Variants in KHDRBS2 observed in about 807,000 individuals in gnomAD.
KHDRBS2 encodes KH RNA binding domain containing, signal transduction associated 2.
A neutral mutation model predicts 44.3 loss-of-function variants in KHDRBS2; 26 were observed. That is an observed-to-expected ratio of 0.59 (90% CI 0.43 to 0.81). The LOEUF is 0.81. Among genes scored for constraint, KHDRBS2 ranks in the 40% least tolerant of loss-of-function variants. The pLI is 0.00. For synonymous variants in KHDRBS2, 194 were observed against 151.1 expected (o/e 1.28, Z -2.08); for missense variants, 476 against 433.1 (o/e 1.10, Z -0.88).
rs1802567700 is a variant in KHDRBS2, at chr6:61,894,613, C to CT, written c.810+21dup. The CT allele has an allele frequency of 1.9e-6, 3 of 1,594,404 alleles. No individual in the cohort carries two copies. In the African/African-American group the frequency reaches 4.0e-5, roughly 21 times the overall value. On this transcript the variant is annotated intron_variant, in intron 6 of 8. Coordinates refer to ENST00000281156, the MANE Select transcript of KHDRBS2 (RefSeq NM_152688.4). Reference sequence around the variant, plus strand: ...TAATCAATTTAACTCATCCTTACAACTTATTTCTTAAGAGTACTTACATAT... The same window carrying CT: ...TAATCAATTTAACTCATCCTTACAACTTTATTTCTTAAGAGTACTTACATAT...
chr6:61,895,210 C>T (rs566847886), intron 5 of KHDRBS2, among the ~76,000 whole-genome samples: 2 of 151,618 alleles, frequency 1.3e-5, no homozygotes, highest in East Asian at 3.9e-4. Flanking sequence ...ATCAGAGCAT[C>T]GTCTGATATA....
At chr6:61,781,538 G>C (rs1304358981) in intron 6 of KHDRBS2, among the ~76,000 whole-genome samples, 1 of 152,038 alleles carries the variant, frequency 6.6e-6, no homozygotes, top group Non-Finnish European at 1.5e-5. Flanking sequence ...AAATCTGCAA[G>C]CTTTTGCTTT....
the KHDRBS2 span, among the ~76,000 whole-genome samples, chr6:61,658,882 A>C: frequency 6.6e-6 from 1 of 151,934 alleles, no homozygotes; most frequent in Admixed American, 6.6e-5. Flanking sequence ...ACTAGTAAAA[A>C]TTTCCACACT....
At chr6:61,879,769 G>C (rs1225657215) in intron 6 of KHDRBS2, among the ~76,000 whole-genome samples, 2 of 151,544 alleles carry the variant, frequency 1.3e-5, no homozygotes, top group African/African-American at 4.8e-5. Flanking sequence ...AATTATTTTT[G>C]TCAAAATCTT....
chr6:62,187,472 A>C (rs1823678551), intron 1 of KHDRBS2, among the ~76,000 whole-genome samples: 1 of 152,166 alleles, frequency 6.6e-6, no homozygotes. Flanking sequence ...GTAGAAAGTA[A>C]ATGAATAGGT....
intron 8 of KHDRBS2, among the ~76,000 whole-genome samples, chr6:61,696,207 A>G (rs1012511535): frequency 6.6e-6 from 1 of 151,108 alleles, no homozygotes; most frequent in Non-Finnish European, 1.5e-5. Context: ...ACATTTTTCA[A>G]GGTGGTCAGC....
intron 2 of KHDRBS2, among the ~76,000 whole-genome samples, chr6:62,105,613 T>A (rs1167874821): frequency 6.6e-6 from 1 of 152,100 alleles, no homozygotes; most frequent in African/African-American, 2.4e-5. Flanking sequence ...TCTGTGGGAT[T>A]GGTGGTGATA....
chr6:61,987,916 G>A (rs1307775131), intron 3 of KHDRBS2, among the ~76,000 whole-genome samples: 3 of 152,092 alleles, frequency 2.0e-5, no homozygotes, highest in African/African-American at 7.2e-5. Flanking sequence ...TATGAGAAGG[G>A]AAATCTTCAC....
intron 4 of KHDRBS2, among the ~76,000 whole-genome samples, chr6:61,938,044 C>G (rs952258007): frequency 6.6e-6 from 1 of 152,060 alleles, no homozygotes; most frequent in African/African-American, 2.4e-5. Flanking sequence ...CCTTCTACAG[C>G]CCCAAGCAAT....
intron 3 of KHDRBS2, among the ~76,000 whole-genome samples, chr6:61,986,013 G>A (rs543283760): frequency 7.9e-5 from 12 of 152,042 alleles, no homozygotes; most frequent in Admixed American, 5.9e-4. Flanking sequence ...CTAGAGTATA[G>A]TGGTTTAAAA....
intron 1 of KHDRBS2, among the ~76,000 whole-genome samples, chr6:62,182,676 G>C (rs554961193): frequency 6.6e-6 from 1 of 151,616 alleles, no homozygotes; most frequent in Non-Finnish European, 1.5e-5. Context: ...TTGTTATTTT[G>C]TTTTGTTTTA....
chr6:61,639,147 TAATTA>T, the KHDRBS2 span, among the ~76,000 whole-genome samples: 1 of 152,140 alleles, frequency 6.6e-6, no homozygotes, highest in African/African-American at 2.4e-5. Flanking sequence ...TTTTGCTTAC[TAATTA>T]AATATCTATG....
intron 6 of KHDRBS2, among the ~76,000 whole-genome samples, chr6:61,804,176 G>T (rs752586455): frequency 3.3e-5 from 5 of 152,250 alleles, no homozygotes; most frequent in Non-Finnish European, 4.4e-5. Context: ...GGGAATGGGG[G>T]AAATTGGCCA....
At chr6:61,914,414 A>C (rs2127353780) in intron 4 of KHDRBS2, among the ~76,000 whole-genome samples, 1 of 151,868 alleles carries the variant, frequency 6.6e-6, no homozygotes, top group East Asian at 1.9e-4. Flanking sequence ...CAAGGACAAA[A>C]AACCAAACAC....
intron 6 of KHDRBS2, among the ~76,000 whole-genome samples, chr6:61,781,397 A>C (rs1021084722): frequency 6.6e-6 from 1 of 152,112 alleles, no homozygotes; most frequent in African/African-American, 2.4e-5. Context: ...ACCCAGGCTA[A>C]CCCTTTTCTA....
chr6:62,228,513 T>A (rs1476824604), intron 1 of KHDRBS2, among the ~76,000 whole-genome samples: 5 of 152,190 alleles, frequency 3.3e-5, no homozygotes, highest in Non-Finnish European at 7.3e-5. Context: ...GGGTTTTTCA[T>A]GTCTCTGTCT....
intron 3 of KHDRBS2, among the ~76,000 whole-genome samples, chr6:62,001,991 G>C (rs546104997): frequency 6.6e-6 from 1 of 152,036 alleles, no homozygotes. Flanking sequence ...AAATTTTAGC[G>C]TTATGACACT....
the KHDRBS2 span, among the ~76,000 whole-genome samples, chr6:61,639,756 T>C: frequency 6.6e-6 from 1 of 152,114 alleles, no homozygotes; most frequent in East Asian, 1.9e-4. Context: ...TAATTGTTCA[T>C]TATACAGTAG....
chr6:61,977,726 G>A (rs768768572), intron 4 of KHDRBS2, among the ~76,000 whole-genome samples: 12 of 151,890 alleles, frequency 7.9e-5, no homozygotes, highest in Non-Finnish European at 1.5e-4. Flanking sequence ...AATTGCAAAC[G>A]ATAAACTTTC....
Sources: gnomAD v4.1 joint callset for allele counts (sites outside exome capture counted in the v4.1 genomes callset) on GRCh38, gnomAD v4.1.1 for gene constraint, MANE v1.5 for transcripts, NCBI Gene and HGNC (gene_info 2026-07-23, HGNC 2026-07-21) for gene names.